The following ATXN7L1 variants were observed in gnomAD, a reference collection of about 807,000 sequenced individuals.
The protein encoded by ATXN7L1 is ataxin-7-like protein 1.
Under a neutral mutation model 70.8 loss-of-function variants are expected in ATXN7L1, and 15 were observed. That is an observed-to-expected ratio of 0.21 (90% CI 0.14 to 0.33). The LOEUF (loss-of-function observed/expected upper bound fraction) is 0.33, where lower values mean the gene tolerates loss of function less well. Ranked by LOEUF, ATXN7L1 falls within the 10% of genes least tolerant of loss-of-function variation. ATXN7L1 has a pLI of 1.00. For synonymous variants in ATXN7L1, 440 were observed against 445.1 expected, an observed-to-expected ratio of 0.99 and a Z score of 0.14; for missense variants, 975 against 1,097.1, an observed-to-expected ratio of 0.89 and a Z score of 1.57.
intron 10 of ATXN7L1, 49 bp from the exon 11 acceptor site, chr7:105,610,652 A>T: frequency 2.0e-6 from 3 of 1,491,852 alleles, no homozygotes; most frequent in Non-Finnish European, 2.7e-6. Context: ...CCAGCCTGGG[A>T]AGGGCCCGCC....
intron 4 of ATXN7L1, among the ~76,000 whole-genome samples, chr7:105,664,062 G>A (rs572797359): frequency 2.0e-5 from 3 of 152,064 alleles, no homozygotes; most frequent in East Asian, 1.9e-4. Flanking sequence ...GAGCCACCAC[G>A]CCTGGCCAAA....
At chr7:105,824,935 CA>C (rs1810660296) in intron 2 of ATXN7L1, among the ~76,000 whole-genome samples, 2 of 145,030 alleles carry the variant, frequency 1.4e-5, no homozygotes, top group African/African-American at 5.0e-5. Flanking sequence ...AAAAAAAAAA[CA>C]AAAAAATAAA....
At chr7:105,651,261 T>C (rs532750261) in intron 4 of ATXN7L1, among the ~76,000 whole-genome samples, 7 of 152,236 alleles carry the variant, frequency 4.6e-5, no homozygotes, top group African/African-American at 1.7e-4. Flanking sequence ...TCCTTATCAG[T>C]CAAATGAAGA....
At chr7:105,694,839 A>G (rs555800928) in intron 3 of ATXN7L1, among the ~76,000 whole-genome samples, 1 of 152,286 alleles carries the variant, frequency 6.6e-6, no homozygotes, top group East Asian at 1.9e-4. Context: ...AAAAAGGCCA[A>G]TGGAGTTGTT....
chr7:105,767,543 C>A (rs1468700662), intron 3 of ATXN7L1, among the ~76,000 whole-genome samples: 1 of 152,190 alleles, frequency 6.6e-6, no homozygotes, highest in Non-Finnish European at 1.5e-5. Context: ...CAGAGAAGTG[C>A]CTTGCTGTGT....
chr7:105,760,676 T>C (rs977514919), intron 3 of ATXN7L1: 1 of 580,704 alleles, frequency 1.7e-6, no homozygotes, highest in Non-Finnish European at 2.2e-6. Context: ...ATACTTGTTT[T>C]CAACATATAA....
At chr7:105,701,073 T>C (rs1445081733) in intron 3 of ATXN7L1, among the ~76,000 whole-genome samples, 1 of 152,194 alleles carries the variant, frequency 6.6e-6, no homozygotes, top group African/African-American at 2.4e-5. Flanking sequence ...AACATTAATA[T>C]ATGAAATTGC....
At chr7:105,659,784 T>C (rs1801292287) in intron 4 of ATXN7L1, among the ~76,000 whole-genome samples, 3 of 152,096 alleles carry the variant, frequency 2.0e-5, no homozygotes, top group South Asian at 4.2e-4. Flanking sequence ...ACAGCTTCCA[T>C]GCCCACGTCT....
At chr7:105,703,909 T>C (rs1024038412) in intron 3 of ATXN7L1, among the ~76,000 whole-genome samples, 2 of 152,244 alleles carry the variant, frequency 1.3e-5, no homozygotes, top group Non-Finnish European at 2.9e-5. Flanking sequence ...AACTGTTTTG[T>C]TTCTACTTGT....
intron 3 of ATXN7L1, among the ~76,000 whole-genome samples, chr7:105,685,682 G>A (rs1806104303): frequency 6.6e-6 from 1 of 152,176 alleles, no homozygotes. Flanking sequence ...GCAGGGAACC[G>A]GCAGGTGATG....
intron 2 of ATXN7L1, among the ~76,000 whole-genome samples, chr7:105,865,871 C>G (rs1371346816): frequency 6.6e-6 from 1 of 152,126 alleles, no homozygotes; most frequent in Non-Finnish European, 1.5e-5. Flanking sequence ...CCCCTGAATA[C>G]CCACCATTCT....
chr7:105,712,213 C>T (rs1297745452), intron 3 of ATXN7L1, among the ~76,000 whole-genome samples: 1 of 152,234 alleles, frequency 6.6e-6, no homozygotes, highest in Non-Finnish European at 1.5e-5. Context: ...CCCACAAAAC[C>T]ATTTTTTCCT....
chr7:105,701,894 A>C (rs2116237432), intron 3 of ATXN7L1, among the ~76,000 whole-genome samples: 1 of 152,088 alleles, frequency 6.6e-6, no homozygotes, highest in Middle Eastern at 3.4e-3. Flanking sequence ...AAAGCAAACC[A>C]CTGGCTTATG....
At chr7:105,772,451 G>A (rs1163060307) in intron 3 of ATXN7L1, among the ~76,000 whole-genome samples, 1 of 152,058 alleles carries the variant, frequency 6.6e-6, no homozygotes, top group Non-Finnish European at 1.5e-5. Context: ...CAGAAAAGTT[G>A]AAAATAAAAG....
intron 3 of ATXN7L1, among the ~76,000 whole-genome samples, chr7:105,754,417 A>G (rs1799560133): frequency 6.6e-6 from 1 of 150,550 alleles, no homozygotes; most frequent in African/African-American, 2.4e-5. Flanking sequence ...TTTTTTTAAG[A>G]GACAGAGTCT....
At position 105,642,884 on chromosome 7, in the gene ATXN7L1, G is replaced by A. The variant is rs778538119; in HGVS notation, c.816C>T (p.His272=). The change falls in exon 5 of 12, where the codon CAC becomes CAT. Residue 272 remains histidine (H), a synonymous_variant. Transcript: ENST00000419735. ...TGTTGCTGTTTTTGGTGCCATTTTG[G>A]TGTTTCTTGTCTATGGTGGTTGGCA... The part of the protein sequence containing the change: ...GILPTTIDKK[H]QNGTKNSNKP... The A allele has an allele frequency of 1.1e-4, 170 of 1,551,594 alleles. No individual in the cohort carries two copies. Among genetic ancestry groups the A allele is most frequent in the Non-Finnish European group, 1.4e-4 (165 of 1,147,006 alleles).
chr7:105,785,459 A>G (rs1229931700), intron 3 of ATXN7L1, among the ~76,000 whole-genome samples: 3 of 152,090 alleles, frequency 2.0e-5, no homozygotes, highest in Non-Finnish European at 4.4e-5. Context: ...GTCTGACTCA[A>G]AAAAAAACAA....
chr7:105,844,428 A>C (rs1282940693), intron 2 of ATXN7L1, among the ~76,000 whole-genome samples: 1 of 152,228 alleles, frequency 6.6e-6, no homozygotes, highest in Non-Finnish European at 1.5e-5. Flanking sequence ...GGTTCAACAT[A>C]TGAAAATCAA....
At chr7:105,785,664 C>T (rs1017812684) in intron 3 of ATXN7L1, among the ~76,000 whole-genome samples, 2 of 152,088 alleles carry the variant, frequency 1.3e-5, no homozygotes, top group Non-Finnish European at 1.5e-5. Flanking sequence ...TGAAATCCTA[C>T]CCGCAATGTG....
Sources: allele counts gnomAD v4.1 joint callset (sites outside exome capture counted in the v4.1 genomes callset), GRCh38; gene constraint gnomAD v4.1.1; transcripts MANE v1.5; gene names NCBI Gene and HGNC (gene_info 2026-07-23, HGNC 2026-07-21).